Variants in NARS2 observed in about 807,000 individuals in gnomAD.
NARS2 encodes the protein asparaginyl-tRNA synthetase 2, mitochondrial.
A neutral mutation model predicts 62.9 loss-of-function variants in NARS2; 60 were observed. The ratio of observed to expected loss-of-function variants is 0.95; its 90% confidence interval spans 0.77 to 1.18. The LOEUF (loss-of-function observed/expected upper bound fraction) is 1.18, where lower values mean the gene tolerates loss of function less well. Among genes scored for constraint, NARS2 ranks in the 50% most tolerant of loss-of-function variants. The pLI is 0.00. For missense variants in NARS2, 619 were observed against 576.4 expected (o/e 1.07, Z -0.76); for synonymous variants, 196 against 200.0 (o/e 0.98, Z 0.17).
intron 5 of NARS2, among the ~76,000 whole-genome samples, chr11:78,531,874 G>C (rs1017750398): frequency 3.3e-5 from 5 of 152,106 alleles, no homozygotes; most frequent in Admixed American, 1.3e-4. Context: ...TTTGTGTAGA[G>C]GGGAAAATGG....
intron 6 of NARS2, among the ~76,000 whole-genome samples, chr11:78,512,574 A>G (rs1213083832): frequency 6.6e-6 from 1 of 152,066 alleles, no homozygotes; most frequent in East Asian, 1.9e-4. Context: ...TCGGTCATTA[A>G]GCTTATAAAA....
At chr11:78,506,226 C>T (rs1268973959) in intron 6 of NARS2, among the ~76,000 whole-genome samples, 4 of 152,316 alleles carry the variant, frequency 2.6e-5, no homozygotes, top group Middle Eastern at 3.4e-3. Flanking sequence ...GACCAACCGG[C>T]ATCCTCATCC....
chr11:78,555,396 A>G (rs1383359796), intron 5 of NARS2: 1 of 152,062 alleles, frequency 6.6e-6, no homozygotes, highest in Non-Finnish European at 1.5e-5. Flanking sequence ...TTATTTATTC[A>G]GTTTTAGAGT....
intron 2 of NARS2, 92 bp from the exon 3 acceptor site, chr11:78,568,844 A>G (rs1257154574): frequency 2.8e-6 from 3 of 1,053,546 alleles, no homozygotes; most frequent in Non-Finnish European, 4.1e-6. Flanking sequence ...AAAATACTTA[A>G]TGACAAAAGC....
intron 13 of NARS2, among the ~76,000 whole-genome samples, chr11:78,438,718 T>C (rs1857486478): frequency 6.6e-6 from 1 of 152,200 alleles, no homozygotes; most frequent in South Asian, 2.1e-4. Context: ...TGCTACGAAA[T>C]TTGTGGAACT....
At chr11:78,494,740 C>A (rs1859984469) in intron 6 of NARS2, among the ~76,000 whole-genome samples, 1 of 152,100 alleles carries the variant, frequency 6.6e-6, no homozygotes, top group Non-Finnish European at 1.5e-5. Context: ...TACAGACTTG[C>A]CTACTAGAAT....
intron 6 of NARS2, among the ~76,000 whole-genome samples, chr11:78,521,179 T>C (rs1861107739): frequency 6.6e-6 from 1 of 151,624 alleles, no homozygotes. Flanking sequence ...TTTTTTTTTT[T>C]TAAGAGGTGG....
chr11:78,492,933 T>C (rs1859887495), intron 7 of NARS2, 130 bp downstream of exon 7: 2 of 715,170 alleles, frequency 2.8e-6, no homozygotes, highest in Non-Finnish European at 2.3e-6. Context: ...ATTCAATAAG[T>C]GTTTATTAAG....
At chr11:78,552,155 C>A (rs115513396) in intron 5 of NARS2, among the ~76,000 whole-genome samples, 1 of 152,194 alleles carries the variant, frequency 6.6e-6, no homozygotes. Context: ...CATCCTCCCC[C>A]CTCAGGAAGA....
At chr11:78,441,148 G>C (rs762071562) in intron 12 of NARS2, 31 bp from the exon 13 acceptor site, 5 of 1,597,520 alleles carry the variant, frequency 3.1e-6, no homozygotes, top group Non-Finnish European at 4.3e-6. Context: ...TTCTTTCAGG[G>C]AACGGCAATA....
intron 5 of NARS2, among the ~76,000 whole-genome samples, chr11:78,554,073 CTCTT>C (rs1224284775): frequency 9.2e-5 from 14 of 152,070 alleles, no homozygotes; most frequent in Non-Finnish European, 1.9e-4. Context: ...TATTTCTGGA[CTCTT>C]TATTTTGTTC....
chr11:78,489,826 A>C (rs1217647519), intron 7 of NARS2, among the ~76,000 whole-genome samples: 1 of 152,168 alleles, frequency 6.6e-6, no homozygotes, highest in East Asian at 1.9e-4. Flanking sequence ...GCTGAGAGGC[A>C]GGAGGATCAC....
intron 5 of NARS2, among the ~76,000 whole-genome samples, chr11:78,543,788 T>C (rs777352579): frequency 1.3e-5 from 2 of 152,004 alleles, no homozygotes; most frequent in African/African-American, 2.4e-5. Context: ...ATCCTAGCAC[T>C]TTGGGAGGCC....
intron 5 of NARS2, among the ~76,000 whole-genome samples, chr11:78,556,877 G>C (rs1300365068): frequency 6.6e-6 from 1 of 152,190 alleles, no homozygotes; most frequent in African/African-American, 2.4e-5. Context: ...GAATTTTGTA[G>C]GATAAGTAAC....
At chr11:78,492,945 A>G (rs751399217) in intron 7 of NARS2, 118 bp downstream of exon 7, 5 of 804,896 alleles carry the variant, frequency 6.2e-6, no homozygotes, top group Non-Finnish European at 8.0e-6. Context: ...TTTATTAAGT[A>G]GTTACCCCTT....
chr11:78,481,932 C>T (rs888015561), intron 7 of NARS2, among the ~76,000 whole-genome samples: 5 of 152,120 alleles, frequency 3.3e-5, no homozygotes, highest in Non-Finnish European at 5.9e-5. Context: ...GGTATATACC[C>T]TGACTACCAC....
chr11:78,469,376 T>A, intron 9 of NARS2, 63 bp from the exon 10 acceptor site: 1 of 1,262,764 alleles, frequency 7.9e-7, no homozygotes, highest in Admixed American at 1.7e-5. Context: ...ACTAGTTCAT[T>A]TTAAAACCAG....
At chr11:78,554,500 C>T (rs1195095858) in intron 5 of NARS2, among the ~76,000 whole-genome samples, 5 of 42,496 alleles carry the variant, frequency 1.2e-4, no homozygotes, top group Non-Finnish European at 2.7e-4. Context: ...TATTCCTAGG[C>T]GTGTGTGCGT....
At chr11:78,447,779 A>G (rs1398230961) in intron 11 of NARS2, among the ~76,000 whole-genome samples, 1 of 152,198 alleles carries the variant, frequency 6.6e-6, no homozygotes. Flanking sequence ...TTTCACTTAC[A>G]TATGGAATCT....
Sources: allele counts gnomAD v4.1 joint callset (sites outside exome capture counted in the v4.1 genomes callset), GRCh38; gene constraint gnomAD v4.1.1; transcripts MANE v1.5; gene names NCBI Gene and HGNC (gene_info 2026-07-23, HGNC 2026-07-21).